EMC3: variants seen among roughly 807,000 people sequenced by gnomAD.
EMC3 encodes the protein ER membrane protein complex subunit 3, also known as 30 kDa protein.
Under a neutral mutation model 36.6 loss-of-function variants are expected in EMC3, and 13 were observed. The ratio of observed to expected loss-of-function variants is 0.35; its 90% confidence interval spans 0.23 to 0.56. The LOEUF (loss-of-function observed/expected upper bound fraction) is 0.56, where lower values mean the gene tolerates loss of function less well. EMC3 is among the 20% of genes least tolerant of loss of function. EMC3 has a pLI of 0.84. For missense variants in EMC3, 220 were observed against 324.5 expected, an observed-to-expected ratio of 0.68 and a Z score of 2.47; for synonymous variants, 120 against 111.9, an observed-to-expected ratio of 1.07 and a Z score of -0.46.
At chr3:10,005,784 TAGAA>T (rs1300002163) in intron 1 of EMC3, among the ~76,000 whole-genome samples, 7 of 152,110 alleles carry the variant, frequency 4.6e-5, no homozygotes, top group African/African-American at 1.4e-4. Flanking sequence ...GTGGCAATCA[TAGAA>T]AGAAAATTCA....
intron 1 of EMC3, chr3:10,008,583 G>A: frequency 1.6e-6 from 1 of 638,908 alleles, no homozygotes; most frequent in Non-Finnish European, 2.6e-6. Flanking sequence ...AGTGGGGGGT[G>A]GGTTCAGCTC....
chr3:9,974,356 C>A (rs2085821808), intron 4 of EMC3, 28 bp downstream of exon 4: 2 of 1,486,122 alleles, frequency 1.3e-6, no homozygotes, highest in South Asian at 2.3e-5. Context: ...CTCTGGGTAA[C>A]ATGAAGTCGG....
At chr3:9,981,126 C>A (rs1387188297) in intron 1 of EMC3, among the ~76,000 whole-genome samples, 1 of 152,140 alleles carries the variant, frequency 6.6e-6, no homozygotes, top group Non-Finnish European at 1.5e-5. Context: ...CACTTGAGCC[C>A]GGGAGATCGA....
At chr3:10,000,560 T>C (rs2086186389) in intron 1 of EMC3, 1 of 305,128 alleles carries the variant, frequency 3.3e-6, no homozygotes, top group Non-Finnish European at 6.7e-6. Flanking sequence ...ATTTCTGGTG[T>C]ATGAGATCTA....
chr3:10,008,085 A>G (rs1020072357), intron 1 of EMC3, among the ~76,000 whole-genome samples: 2 of 152,096 alleles, frequency 1.3e-5, no homozygotes, highest in South Asian at 2.1e-4. Context: ...GCCAGTTTGT[A>G]CCCCCAGAAA....
At position 9,983,828 on chromosome 3, in the gene EMC3, C is replaced by A. The variant is rs117535828; in HGVS notation, c.155+2679G>T. ...GCAGAGAATCTACGACAGCAGGAAT[C>A]ATGGTTGAAGAGGGTTTAACCTGGG... On this transcript the variant is annotated intron_variant, in intron 1 of 7. Transcript: ENST00000245046. 1.7e-4 allele frequency among the ~76,000 whole-genome samples: 26 copies of A among 152,298 alleles called. No homozygotes were observed. The East Asian group carries it at 3.9e-3, about 23-fold the overall frequency.
rs181045182 is a variant in EMC3 at position 9,962,720 on chromosome 3, C to T, written c.*1349G>A. On this transcript the variant is annotated 3_prime_UTR_variant, in exon 8 of 8. Coordinates refer to ENST00000245046, the MANE Select transcript of EMC3 (RefSeq NM_001394674.1). ...GACGGTTTAATTTGTGGAGTCGAGT[C>T]GTTTGTTCTTAATTACTGCACTCAA... The T allele has an allele frequency of 2.6e-4, 39 of 152,660 alleles. No homozygotes were observed. The highest frequency in any genetic ancestry group is 8.7e-4 in the African/African-American group (36 of 41,508). 9.5% of individuals were successfully genotyped at this position (152,660 alleles called of 1,614,324 possible).
intron 1 of EMC3, among the ~76,000 whole-genome samples, chr3:9,999,548 A>T (rs947395784): frequency 1.3e-5 from 2 of 151,862 alleles, no homozygotes; most frequent in African/African-American, 4.8e-5. Context: ...CTTATTTTTT[A>T]TGTTATTTTA....
chr3:9,987,896 C>T (rs1270241790), upstream of EMC3: 3 of 950,354 alleles, frequency 3.2e-6, no homozygotes, highest in African/African-American at 1.6e-5. Flanking sequence ...CTAATATTAA[C>T]TTTCTGCAGG....
Position 9,977,040 on chromosome 3 carries a change from G to A in EMC3, c.224C>T (p.Thr75Ile). The A allele has an allele frequency of 1.3e-6, 2 of 1,591,240 alleles. No individual in the cohort carries two copies. Among genetic ancestry groups the A allele is most frequent in the Non-Finnish European group, 1.7e-6 (2 of 1,170,320 alleles). ...TGGGTTGTTGAAATAATATTTTCGTGTCAAGAAAGACTAGTAAAAAAAAAA... is the reference window on the plus strand; with the variant it reads ...TGGGTTGTTGAAATAATATTTTCGTATCAAGAAAGACTAGTAAAAAAAAAA... ...GKYIPKQSFL[T>I]RKYYFNNPED... Residue 75 changes from threonine (T) to isoleucine (I), a missense_variant, in exon 3 of 8, where the codon ACA (threonine) becomes ATA (isoleucine). This residue lies in a region of EMC3 where 127 missense variants were observed against 174.6 expected (regional missense o/e 0.73). Transcript: ENST00000245046.
At chr3:10,007,582 T>G (rs750746444) in intron 1 of EMC3, 1 of 1,367,098 alleles carries the variant, frequency 7.3e-7, no homozygotes, top group South Asian at 1.1e-5. Context: ...GCAGGCATCC[T>G]GGGTGTCAGG....
In EMC3 at chr3:10,007,355, G is replaced by A. The variant is rs770234169; in HGVS notation, c.-242+3668C>T. The stretch of plus-strand genomic sequence containing the variant: ...TCTGCCTGTGTCAATCATGCTGAGA[G>A]GTCCCCAGGAGGATCCTGAAGCCCT... On this transcript the variant is annotated intron_variant, in intron 1 of 8. Coordinates refer to the EMC3 transcript ENST00000470827. The A allele has an allele frequency of 1.3e-5, 18 of 1,350,736 alleles. No homozygotes were observed. The East Asian group carries it at 7.4e-4, about 55-fold the overall frequency. The allele number at this position is 1,350,736 out of a possible 1,614,324, so 83.7% of individuals were successfully genotyped here.
At chr3:9,991,115 A>G (rs2086046695), upstream of EMC3, among the ~76,000 whole-genome samples, 1 of 152,114 alleles carries the variant, frequency 6.6e-6, no homozygotes, top group Admixed American at 6.6e-5. Flanking sequence ...GGTGTGAGCC[A>G]CCGCGCCCGG....
chr3:10,002,343 C>A (rs1204604676), intron 1 of EMC3, among the ~76,000 whole-genome samples: 1 of 130,304 alleles, frequency 7.7e-6, no homozygotes, highest in Admixed American at 7.7e-5. Context: ...GGCTAGAGTA[C>A]AGTGACACAA....
At position 9,963,454 on chromosome 3, in the gene EMC3, G is replaced by GATAGATAGATATATAT. The variant is rs756069988; in HGVS notation, c.*614_*615insATATATATCTATCTAT. 2.0e-5 allele frequency: 2 copies of GATAGATAGATATATAT among 99,714 alleles called. No homozygotes were observed. Among genetic ancestry groups the GATAGATAGATATATAT allele is most frequent in the Admixed American group, 2.2e-4 (2 of 8,890 alleles). 6.2% of individuals were successfully genotyped at this position (99,714 alleles called of 1,614,324 possible). A position where few individuals can be genotyped will look rare whatever the true frequency, so the allele number is the denominator to read the frequency against. ...CGAAGACTGGGCTTCTGCTAAGATA[G>GATAGATAGATATATAT]ATATATATATATATATATATATATT... is the stretch of plus-strand genomic sequence containing the variant. On this transcript the variant is annotated 3_prime_UTR_variant, in exon 8 of 8. Transcript: ENST00000245046.
intron 1 of EMC3, among the ~76,000 whole-genome samples, chr3:10,001,151 A>G (rs150216661): frequency 2.6e-5 from 4 of 152,096 alleles, no homozygotes; most frequent in Non-Finnish European, 4.4e-5. Context: ...GTTTGTGTAT[A>G]GTGTATTTTA....
intron 1 of EMC3, among the ~76,000 whole-genome samples, chr3:10,007,869 G>C (rs1429615380): frequency 6.6e-6 from 1 of 152,138 alleles, no homozygotes; most frequent in African/African-American, 2.4e-5. Context: ...ACTACTGATG[G>C]TGGCCAGGGT....
At chr3:9,966,418 T>C (rs546284414) in intron 7 of EMC3, among the ~76,000 whole-genome samples, 1 of 151,992 alleles carries the variant, frequency 6.6e-6, no homozygotes, top group South Asian at 2.1e-4. Context: ...AGATGGGGTT[T>C]CACCATGTTG....
rs540818736 is a variant in EMC3, at chr3:9,983,082, T to G, written c.155+3425A>C. ...CAATTATGAGCAGAGACATTTTCTCTAGAGCAGTGGTTGGTTCTTCATGGG... is the reference window on the plus strand; with the variant it reads ...CAATTATGAGCAGAGACATTTTCTCGAGAGCAGTGGTTGGTTCTTCATGGG... On this transcript the variant is annotated intron_variant, in intron 1 of 7. Transcript: ENST00000245046. 5.3e-5 allele frequency among the ~76,000 whole-genome samples: 8 copies of G among 151,986 alleles called. No individual in the cohort carries two copies. In the East Asian group the frequency reaches 1.5e-3, roughly 29 times the overall value.
Sources: gnomAD v4.1 joint callset for allele counts (sites outside exome capture counted in the v4.1 genomes callset) on GRCh38, gnomAD v4.1.1 for gene constraint, gnomAD v4.1.1 regional missense constraint, MANE v1.5 for transcripts, NCBI Gene and HGNC (gene_info 2026-07-23, HGNC 2026-07-21) for gene names.